Variants in TENM2 observed in about 807,000 individuals in gnomAD.
The protein encoded by TENM2 is teneurin-2.
In TENM2, 52 loss-of-function variants were observed where a neutral mutation model predicts 245.2. That is an observed-to-expected ratio of 0.21 (90% CI 0.17 to 0.27). The LOEUF is 0.27. Among genes scored for constraint, TENM2 ranks in the 10% least tolerant of loss-of-function variants. TENM2 has a pLI of 1.00. For synonymous variants in TENM2, 1,363 were observed against 1,438.9 expected, an observed-to-expected ratio of 0.95 and a Z score of 1.19; for missense variants, 3,046 against 3,666.8, an observed-to-expected ratio of 0.83 and a Z score of 4.37.
At chr5:167,284,154 C>T (rs1227967378), upstream of TENM2, among the ~76,000 whole-genome samples, 2 of 152,150 alleles carry the variant, frequency 1.3e-5, no homozygotes, top group Non-Finnish European at 1.5e-5. Flanking sequence ...GGGAGTTTGC[C>T]AAAAGCTCGT....
At chr5:168,151,329 A>G (rs914633780) in intron 12 of TENM2, among the ~76,000 whole-genome samples, 1 of 152,192 alleles carries the variant, frequency 6.6e-6, no homozygotes, top group African/African-American at 2.4e-5. Flanking sequence ...TGTATTGACT[A>G]CACTGATCCT....
chr5:167,942,146 T>G (rs1779235664), intron 3 of TENM2, among the ~76,000 whole-genome samples: 1 of 152,094 alleles, frequency 6.6e-6, no homozygotes, highest in South Asian at 2.1e-4. Flanking sequence ...AGGCAGAGGT[T>G]GCAGTAAGCC....
At chr5:167,405,755 A>AAC (rs1365056776) in intron 2 of TENM2, among the ~76,000 whole-genome samples, 4 of 91,442 alleles carry the variant, frequency 4.4e-5, no homozygotes, top group African/African-American at 8.6e-5. Flanking sequence ...GTGCAATTCA[A>AAC]ACACACACAC....
At chr5:167,676,180 C>T (rs998376087) in intron 2 of TENM2, among the ~76,000 whole-genome samples, 1 of 152,048 alleles carries the variant, frequency 6.6e-6, no homozygotes, top group Non-Finnish European at 1.5e-5. Context: ...CAGGTCCATG[C>T]TATTAATCTT....
At chr5:167,344,281 C>T (rs976573423) in intron 1 of TENM2, among the ~76,000 whole-genome samples, 10 of 104,950 alleles carry the variant, frequency 9.5e-5, no homozygotes, top group East Asian at 4.9e-4. Context: ...TGCACGTGCA[C>T]GCACACACAC....
chr5:168,162,549 C>A, intron 12 of TENM2, 62 bp from the exon 15 acceptor site: 2 of 1,573,972 alleles, frequency 1.3e-6, no homozygotes, highest in South Asian at 1.2e-5. Flanking sequence ...CTGCATGGCT[C>A]CCCTGCTTCC....
At chr5:168,085,872 C>T (rs1335789716) in intron 7 of TENM2, among the ~76,000 whole-genome samples, 1 of 152,198 alleles carries the variant, frequency 6.6e-6, no homozygotes, top group Non-Finnish European at 1.5e-5. Context: ...CTGAGCGTGC[C>T]CTGCCATCTG....
intron 6 of TENM2, among the ~76,000 whole-genome samples, chr5:168,054,231 G>A (rs1789351187): frequency 6.6e-6 from 1 of 152,208 alleles, no homozygotes; most frequent in Non-Finnish European, 1.5e-5. Flanking sequence ...CACCATCACA[G>A]AAGCAGTGAC....
At chr5:167,566,759 C>T (rs1204827677) in intron 2 of TENM2, among the ~76,000 whole-genome samples, 6 of 152,184 alleles carry the variant, frequency 3.9e-5, no homozygotes, top group African/African-American at 1.4e-4. Flanking sequence ...TAAATTCTTA[C>T]TTAGAGTTTC....
Position 167,523,461 on chromosome 5 carries a change from T to C in TENM2, c.502+147988T>C, listed in dbSNP as rs567134045. On this transcript the variant is annotated intron_variant, in intron 2 of 28. Coordinates refer to ENST00000518659, the Ensembl canonical transcript of TENM2. Reference sequence around the variant, plus strand: ...ATTCAATTCAATTCAACAAGCTAGATTTCAGTGAGCCAACGTCAAATATCA... The same window carrying C: ...ATTCAATTCAATTCAACAAGCTAGACTTCAGTGAGCCAACGTCAAATATCA... Among the ~76,000 whole-genome samples the C allele has an allele frequency of 1.3e-3, 197 of 152,200 alleles. 1 individual carries two copies. The highest frequency in any genetic ancestry group is 1.9e-3 in the Non-Finnish European group (129 of 67,994).
intron 1 of TENM2, among the ~76,000 whole-genome samples, chr5:167,351,145 CA>C (rs1758881755): frequency 7.9e-6 from 1 of 126,772 alleles, no homozygotes; most frequent in South Asian, 2.7e-4. Flanking sequence ...GGGATATATA[CA>C]TATGGATTAT....
chr5:167,383,041 A>T (rs1761186792), intron 2 of TENM2, among the ~76,000 whole-genome samples: 1 of 152,106 alleles, frequency 6.6e-6, no homozygotes, highest in African/African-American at 2.4e-5. Context: ...TTCTGAAAAG[A>T]TTTCAAGTAA....
chr5:167,823,089 T>C (rs1767669128), intron 2 of TENM2, among the ~76,000 whole-genome samples: 1 of 152,168 alleles, frequency 6.6e-6, no homozygotes, highest in South Asian at 2.1e-4. Context: ...GCTTGCCAGA[T>C]TTTTTTCTTA....
intron 2 of TENM2, among the ~76,000 whole-genome samples, chr5:167,869,280 A>T (rs1003962676): frequency 1.3e-5 from 2 of 152,238 alleles, no homozygotes; most frequent in Non-Finnish European, 2.9e-5. Context: ...GGAGCAGGGT[A>T]GAAAATGAGA....
chr5:167,407,276 G>T (rs1018389708), intron 2 of TENM2, among the ~76,000 whole-genome samples: 3 of 152,002 alleles, frequency 2.0e-5, no homozygotes, highest in Non-Finnish European at 4.4e-5. Flanking sequence ...AAATAACTGG[G>T]TATATGCTGG....
chr5:167,543,199 C>T (rs1162709755), intron 2 of TENM2, among the ~76,000 whole-genome samples: 1 of 152,148 alleles, frequency 6.6e-6, no homozygotes. Context: ...TCTTATCATC[C>T]TGCAAGCTAG....
the TENM2 span, among the ~76,000 whole-genome samples, chr5:167,231,881 GC>G: frequency 4.6e-5 from 7 of 152,302 alleles, no homozygotes; most frequent in South Asian, 2.1e-4. Context: ...TTATGGGCCG[GC>G]CCCGGGCCTT....
chr5:167,541,476 A>C (rs1239446827), intron 2 of TENM2, among the ~76,000 whole-genome samples: 1 of 152,192 alleles, frequency 6.6e-6, no homozygotes, highest in Non-Finnish European at 1.5e-5. Flanking sequence ...AACTTTAAAA[A>C]TTATTCTACA....
intron 3 of TENM2, among the ~76,000 whole-genome samples, chr5:167,910,509 C>CA (rs1561924355): frequency 1.3e-5 from 2 of 151,946 alleles, no homozygotes; most frequent in Non-Finnish European, 1.5e-5. Context: ...AAAAAGAAAA[C>CA]AAAAAAACAA....
Sources: gnomAD v4.1 joint callset for allele counts (sites outside exome capture counted in the v4.1 genomes callset) on GRCh38, gnomAD v4.1.1 for gene constraint, MANE v1.5 for transcripts, NCBI Gene and HGNC (gene_info 2026-07-23, HGNC 2026-07-21) for gene names.